The following TRPC4 variants were observed in gnomAD, a reference collection of about 807,000 sequenced individuals.
TRPC4 encodes the protein short transient receptor potential channel 4.
In TRPC4, 49 loss-of-function variants were observed where a neutral mutation model predicts 99.4. That is an observed-to-expected ratio of 0.49 (90% CI 0.39 to 0.63). The LOEUF is 0.63. Among genes scored for constraint, TRPC4 ranks in the 20% least tolerant of loss-of-function variants. The pLI is 0.00. For synonymous variants in TRPC4, 454 were observed against 425.9 expected (o/e 1.07, Z -0.81); for missense variants, 898 against 1,152.9 (o/e 0.78, Z 3.20).
chr13:37,638,594 C>A (rs1951608105), intron 10 of TRPC4, among the ~76,000 whole-genome samples: 1 of 152,044 alleles, frequency 6.6e-6, no homozygotes, highest in Non-Finnish European at 1.5e-5. Context: ...TTACTTATTT[C>A]CTCTTACACA....
intron 1 of TRPC4, among the ~76,000 whole-genome samples, chr13:37,839,915 A>G (rs1339150319): frequency 6.6e-6 from 1 of 152,130 alleles, no homozygotes; most frequent in Non-Finnish European, 1.5e-5. Context: ...CAAGTATTCT[A>G]TCCTCCTGCC....
chr13:37,855,032 G>C (rs1224280529), intron 1 of TRPC4: 4 of 151,622 alleles, frequency 2.6e-5, no homozygotes, highest in Non-Finnish European at 5.9e-5. Flanking sequence ...TCAATCAAAA[G>C]ACACAGTATG....
intron 4 of TRPC4, among the ~76,000 whole-genome samples, chr13:37,675,057 G>T (rs1049506268): frequency 6.6e-6 from 1 of 152,028 alleles, no homozygotes; most frequent in African/African-American, 2.4e-5. Context: ...TGAGAGAGAT[G>T]TCAAAATATC....
chr13:37,698,054 T>A (rs911903789), intron 3 of TRPC4, among the ~76,000 whole-genome samples: 1 of 151,596 alleles, frequency 6.6e-6, no homozygotes, highest in African/African-American at 2.4e-5. Context: ...CAGGATCACC[T>A]GGAGGCTGTT....
intron 4 of TRPC4, among the ~76,000 whole-genome samples, chr13:37,679,248 T>G (rs970464848): frequency 6.6e-6 from 1 of 152,186 alleles, no homozygotes; most frequent in Non-Finnish European, 1.5e-5. Flanking sequence ...CTGTGGTGGT[T>G]ATTACATGAC....
At chr13:37,804,198 G>A (rs1957473806) in intron 1 of TRPC4, among the ~76,000 whole-genome samples, 1 of 152,100 alleles carries the variant, frequency 6.6e-6, no homozygotes, top group African/African-American at 2.4e-5. Context: ...CATTCCCTGG[G>A]TAGGTGGTAT....
chr13:37,824,375 T>C (rs1958132280), intron 1 of TRPC4, among the ~76,000 whole-genome samples: 1 of 150,280 alleles, frequency 6.7e-6, no homozygotes, highest in East Asian at 2.0e-4. Context: ...ATGCTTCCAG[T>C]TTTTGCCCAT....
chr13:37,732,256 T>C (rs1449603193), intron 3 of TRPC4, among the ~76,000 whole-genome samples: 1 of 152,154 alleles, frequency 6.6e-6, no homozygotes, highest in African/African-American at 2.4e-5. Context: ...CAGTCTAACC[T>C]GATAAATGAG....
chr13:37,773,783 C>G (rs1956625383), intron 2 of TRPC4, among the ~76,000 whole-genome samples: 1 of 151,594 alleles, frequency 6.6e-6, no homozygotes, highest in African/African-American at 2.4e-5. Context: ...ATTATTGTGA[C>G]CTAAGGTGAC....
intron 4 of TRPC4, among the ~76,000 whole-genome samples, chr13:37,688,326 C>G (rs1031458679): frequency 1.3e-5 from 2 of 152,078 alleles, no homozygotes; most frequent in East Asian, 3.9e-4. Flanking sequence ...AAGAAAGATA[C>G]TGAAATAACA....
At chr13:37,849,523 C>T (rs1046342758) in intron 1 of TRPC4, among the ~76,000 whole-genome samples, 14 of 152,142 alleles carry the variant, frequency 9.2e-5, no homozygotes, top group Admixed American at 1.3e-4. Flanking sequence ...ATGGAAACCT[C>T]CCTTCTTGGA....
chr13:37,814,978 A>G (rs1218564516), intron 1 of TRPC4, among the ~76,000 whole-genome samples: 1 of 151,854 alleles, frequency 6.6e-6, no homozygotes, highest in African/African-American at 2.4e-5. Flanking sequence ...GGAATATTAG[A>G]CATAAAGGTC....
chr13:37,806,224 A>T (rs1227905572), intron 1 of TRPC4, among the ~76,000 whole-genome samples: 1 of 152,022 alleles, frequency 6.6e-6, no homozygotes, highest in Non-Finnish European at 1.5e-5. Context: ...AGTATATAAG[A>T]CTATCAAACA....
chr13:37,684,814 CA>C (rs1953406626), intron 4 of TRPC4, among the ~76,000 whole-genome samples: 2 of 151,488 alleles, frequency 1.3e-5, no homozygotes, highest in Non-Finnish European at 2.9e-5. Context: ...CACACACACA[CA>C]CACACACACA....
chr13:37,691,112 T>G (rs751571884), intron 4 of TRPC4, among the ~76,000 whole-genome samples: 3 of 151,894 alleles, frequency 2.0e-5, no homozygotes, highest in Non-Finnish European at 4.4e-5. Flanking sequence ...TTTCCTTTCT[T>G]TTTTTTTGAG....
chr13:37,687,146 G>A (rs1390855081), intron 4 of TRPC4, among the ~76,000 whole-genome samples: 3 of 151,848 alleles, frequency 2.0e-5, no homozygotes, highest in Admixed American at 1.3e-4. Flanking sequence ...TGTATTTTTA[G>A]TAGAGACAGG....
At chr13:37,650,154 G>A (rs1266854230) in intron 8 of TRPC4, among the ~76,000 whole-genome samples, 1 of 152,192 alleles carries the variant, frequency 6.6e-6, no homozygotes, top group African/African-American at 2.4e-5. Context: ...TGAAGTTAGA[G>A]TGGTAAGGAT....
At chr13:37,791,905 T>C (rs1957130065) in intron 1 of TRPC4, among the ~76,000 whole-genome samples, 1 of 152,084 alleles carries the variant, frequency 6.6e-6, no homozygotes, top group South Asian at 2.1e-4. Context: ...AGAGGGCCAG[T>C]TGGCAGGAGT....
chr13:37,780,794 GA>G (rs1025017644), intron 2 of TRPC4, among the ~76,000 whole-genome samples: 1 of 151,804 alleles, frequency 6.6e-6, no homozygotes, highest in Non-Finnish European at 1.5e-5. Flanking sequence ...GAGGGAGATT[GA>G]AATTACTCTT....
Sources: allele counts gnomAD v4.1 joint callset (sites outside exome capture counted in the v4.1 genomes callset), GRCh38; gene constraint gnomAD v4.1.1; transcripts MANE v1.5; gene names NCBI Gene and HGNC (gene_info 2026-07-23, HGNC 2026-07-21).